The following CCDC91 variants were observed in gnomAD, a reference collection of about 807,000 sequenced individuals.
CCDC91 encodes coiled-coil domain-containing protein 91.
Under a neutral mutation model 63.2 loss-of-function variants are expected in CCDC91, and 48 were observed. The observed-to-expected ratio is 0.76, with a 90% CI of 0.60 to 0.97. The LOEUF (loss-of-function observed/expected upper bound fraction) is 0.97. Among genes scored for constraint, CCDC91 ranks in the 50% least tolerant of loss-of-function variants. The probability of loss-of-function intolerance (pLI) is 0.00; values close to 1 mark genes in which losing one functional copy is unlikely to be tolerated. For missense variants in CCDC91, 500 were observed against 494.6 expected (o/e 1.01, Z -0.10); for synonymous variants, 167 against 165.8 (o/e 1.01, Z -0.06).
At chr12:28,315,650 A>T (rs1310768796) in intron 6 of CCDC91, among the ~76,000 whole-genome samples, 2 of 152,052 alleles carry the variant, frequency 1.3e-5, no homozygotes, top group East Asian at 3.9e-4. Flanking sequence ...GTTTCAAAAA[A>T]TGCTAAATTA....
intron 6 of CCDC91, among the ~76,000 whole-genome samples, chr12:28,327,673 T>C (rs1465292891): frequency 6.6e-6 from 1 of 152,174 alleles, no homozygotes; most frequent in Non-Finnish European, 1.5e-5. Flanking sequence ...TTCTTGTGTG[T>C]CCACATCCTT....
At chr12:28,374,188 A>T (rs1034699149) in intron 7 of CCDC91, among the ~76,000 whole-genome samples, 5 of 152,216 alleles carry the variant, frequency 3.3e-5, no homozygotes, top group Non-Finnish European at 5.9e-5. Context: ...ATCCAAATTA[A>T]AATAGTGGTT....
rs925969681 is a variant in CCDC91 at position 28,268,040 on chromosome 12, TA to T, written c.109+8603del. On this transcript the variant is annotated intron_variant, in intron 3 of 12. Transcript: ENST00000536442. ...AATAATTTAATTATTAATTATTAAT[TA>T]AAAATTAAAAATTAAAAATAATTAA... Among the ~76,000 whole-genome samples, 155 of 136,612 alleles carry T rather than the reference TA, an allele frequency of 1.1e-3. 1 individual carries two copies. The highest frequency in any genetic ancestry group is 0.011 in the Middle Eastern group (3 of 270). The allele number at this position is 136,612 out of a possible 152,430, so 89.6% of individuals were successfully genotyped here.
intron 4 of CCDC91, 116 bp downstream of exon 4, chr12:28,305,922 C>T: frequency 1.2e-6 from 1 of 804,556 alleles, no homozygotes; most frequent in Non-Finnish European, 1.9e-6. Context: ...AGTATTTCTG[C>T]AATAGATATT....
intron 3 of CCDC91, among the ~76,000 whole-genome samples, chr12:28,292,811 T>C (rs1354694355): frequency 2.0e-5 from 3 of 152,186 alleles, no homozygotes; most frequent in African/African-American, 7.2e-5. Context: ...TACCCAATGC[T>C]TCTCAAACTG....
chr12:28,518,938 G>T (rs1940267275), intron 12 of CCDC91, among the ~76,000 whole-genome samples: 1 of 151,892 alleles, frequency 6.6e-6, no homozygotes, highest in African/African-American at 2.4e-5. Context: ...ATTTTTGTTT[G>T]CTTTGTCGAA....
chr12:28,372,950 G>C (rs549562250), intron 7 of CCDC91, among the ~76,000 whole-genome samples: 13 of 152,268 alleles, frequency 8.5e-5, no homozygotes, highest in African/African-American at 3.1e-4. Flanking sequence ...CATTCAGTAT[G>C]ATGTTGGCTG....
intron 1 of CCDC91, among the ~76,000 whole-genome samples, chr12:28,199,710 G>T (rs1942060406): frequency 6.6e-6 from 1 of 152,186 alleles, no homozygotes; most frequent in African/African-American, 2.4e-5. Context: ...AGTTTTGCTA[G>T]AATTAGAATT....
intron 7 of CCDC91, among the ~76,000 whole-genome samples, chr12:28,390,828 T>C (rs1440738460): frequency 6.6e-6 from 1 of 152,098 alleles, no homozygotes; most frequent in African/African-American, 2.4e-5. Flanking sequence ...TGACTTGTGG[T>C]CTTGAAGATC....
chr12:28,537,969 G>A (rs1298519645), intron 12 of CCDC91, among the ~76,000 whole-genome samples: 1 of 152,088 alleles, frequency 6.6e-6, no homozygotes, highest in Non-Finnish European at 1.5e-5. Flanking sequence ...ATAAAGAAAA[G>A]TACATATTAG....
At chr12:28,260,659 G>T (rs1946765989) in intron 3 of CCDC91, among the ~76,000 whole-genome samples, 2 of 151,892 alleles carry the variant, frequency 1.3e-5, no homozygotes, top group Non-Finnish European at 2.9e-5. Context: ...AAGTTTTGTG[G>T]GTTAGCCACT....
chr12:28,319,872 CT>C lies in CCDC91; in HGVS notation c.576+12129del, dbSNP rs564005459. Among the ~76,000 whole-genome samples, 553 of 151,748 alleles carry C rather than the reference CT, an allele frequency of 3.6e-3. 1 individual carries two copies. The highest frequency in any genetic ancestry group is 6.4e-3 in the Non-Finnish European group (432 of 67,814). ...AGTTGCATTTTATTTCTTCCTAATA[CT>C]TTTTTACCCCCAGCTGGTTAAATCC... On this transcript the variant is annotated intron_variant, in intron 6 of 12. Transcript: ENST00000536442.
At chr12:28,528,959 C>T (rs1182331436) in intron 12 of CCDC91, among the ~76,000 whole-genome samples, 2 of 151,986 alleles carry the variant, frequency 1.3e-5, no homozygotes. Flanking sequence ...TGCAAAATCA[C>T]CTGAATCATA....
chr12:28,500,409 G>A (rs1010070802), intron 12 of CCDC91, among the ~76,000 whole-genome samples: 18 of 151,996 alleles, frequency 1.2e-4, no homozygotes, highest in African/African-American at 4.3e-4. Flanking sequence ...TAGTCATGAA[G>A]TCTTTGTCCA....
At chr12:28,346,999 T>C (rs968766549) in intron 6 of CCDC91, among the ~76,000 whole-genome samples, 10 of 152,346 alleles carry the variant, frequency 6.6e-5, no homozygotes, top group African/African-American at 1.9e-4. Context: ...TTAGGAGTTA[T>C]GAGCTAGGAA....
chr12:28,403,795 T>C (rs1358357657), intron 8 of CCDC91, among the ~76,000 whole-genome samples: 6 of 152,196 alleles, frequency 3.9e-5, no homozygotes, highest in African/African-American at 7.2e-5. Flanking sequence ...ATGGAAGTTA[T>C]CAAATTTGTA....
intron 6 of CCDC91, among the ~76,000 whole-genome samples, chr12:28,354,591 A>G (rs1178024985): frequency 6.6e-6 from 1 of 152,200 alleles, no homozygotes; most frequent in Non-Finnish European, 1.5e-5. Flanking sequence ...TGTGGACAGG[A>G]AAACACACTA....
chr12:28,478,382 G>A (rs1421159575), intron 11 of CCDC91, among the ~76,000 whole-genome samples: 1 of 151,982 alleles, frequency 6.6e-6, no homozygotes, highest in Admixed American at 6.6e-5. Flanking sequence ...AGTTTAACAA[G>A]TGGTGCTGGG....
intron 1 of CCDC91, among the ~76,000 whole-genome samples, chr12:28,246,006 A>G (rs2136020724): frequency 6.6e-6 from 1 of 152,330 alleles, no homozygotes; most frequent in South Asian, 2.1e-4. Context: ...CCTGTAAACT[A>G]CCCAGATGTC....
Sources: gnomAD v4.1 joint callset for allele counts (sites outside exome capture counted in the v4.1 genomes callset) on GRCh38, gnomAD v4.1.1 for gene constraint, MANE v1.5 for transcripts, NCBI Gene and HGNC (gene_info 2026-07-23, HGNC 2026-07-21) for gene names.